Variants in RHOA observed in about 807,000 individuals in gnomAD.
The protein encoded by RHOA is transforming protein RhoA.
In RHOA, 3 loss-of-function variants were observed where a neutral mutation model predicts 17.5. That is an observed-to-expected ratio of 0.17 (90% CI 0.08 to 0.44). The LOEUF (loss-of-function observed/expected upper bound fraction) is 0.44. RHOA is among the 20% of genes least tolerant of loss of function. RHOA has a pLI of 0.99. For synonymous variants in RHOA, 98 were observed against 88.4 expected (o/e 1.11, Z -0.61); for missense variants, 56 against 242.3 (o/e 0.23, Z 5.10).
intron 1 of RHOA, among the ~76,000 whole-genome samples, chr3:49,384,373 C>T (rs776360972): frequency 2.0e-5 from 3 of 152,160 alleles, no homozygotes; most frequent in East Asian, 1.9e-4. Flanking sequence ...CTCTCCCAGA[C>T]GTGTCATTTT....
intron 1 of RHOA, among the ~76,000 whole-genome samples, chr3:49,386,836 G>A (rs2048403221): frequency 6.6e-6 from 1 of 151,904 alleles, no homozygotes; most frequent in African/African-American, 2.4e-5. Flanking sequence ...TACATGACCG[G>A]GCGTGGCAGC....
chr3:49,406,972 G>A (rs971471037), intron 1 of RHOA, among the ~76,000 whole-genome samples: 1 of 151,804 alleles, frequency 6.6e-6, no homozygotes, highest in Non-Finnish European at 1.5e-5. Context: ...GTGAGATCCC[G>A]TCTTTACTAA....
chr3:49,362,416 T>C (rs2047987206), intron 4 of RHOA, 80 bp downstream of exon 4: 1 of 1,456,704 alleles, frequency 6.9e-7, no homozygotes, highest in Admixed American at 2.3e-5. Context: ...CCTGTGAAGG[T>C]TCCTGCTGGG....
intron 1 of RHOA, among the ~76,000 whole-genome samples, chr3:49,391,699 C>T (rs968955784): frequency 4.0e-5 from 6 of 151,858 alleles, no homozygotes; most frequent in African/African-American, 1.2e-4. Flanking sequence ...TTAGTAGAGA[C>T]GGGGTTTCTC....
chr3:49,375,342 T>C (rs149622597), intron 2 of RHOA, 92 bp downstream of exon 2: 6 of 1,226,910 alleles, frequency 4.9e-6, no homozygotes, highest in Non-Finnish European at 6.9e-6. Context: ...TTATATGGTA[T>C]ACTGAAGAGG....
chr3:49,399,146 G>T (rs10446462), intron 1 of RHOA, among the ~76,000 whole-genome samples: 1 of 148,966 alleles, frequency 6.7e-6, no homozygotes, highest in African/African-American at 2.5e-5. Flanking sequence ...GAGGCAGGCA[G>T]ATCACGAGGT....
chr3:49,383,264 C>CA (rs1369157376), intron 1 of RHOA, among the ~76,000 whole-genome samples: 9 of 151,310 alleles, frequency 5.9e-5, no homozygotes, highest in African/African-American at 1.9e-4. Flanking sequence ...ACTAAAAATA[C>CA]AAAAAATTAG....
intron 1 of RHOA, among the ~76,000 whole-genome samples, chr3:49,391,573 C>T (rs1452014113): frequency 2.0e-5 from 3 of 151,998 alleles, no homozygotes; most frequent in African/African-American, 4.8e-5. Flanking sequence ...GACAGAGTTT[C>T]GCTCTTGTTG....
At chr3:49,374,821 G>A (rs1444147514) in intron 2 of RHOA, among the ~76,000 whole-genome samples, 1 of 151,916 alleles carries the variant, frequency 6.6e-6, no homozygotes, top group Non-Finnish European at 1.5e-5. Flanking sequence ...AGTTAAAAAT[G>A]AAAAAACAGC....
chr3:49,368,712 T>C (rs1418021125), intron 2 of RHOA, among the ~76,000 whole-genome samples, 164 bp from the exon 3 acceptor site: 7 of 146,850 alleles, frequency 4.8e-5, no homozygotes, highest in East Asian at 3.9e-4. Context: ...TTTTTCTTTT[T>C]TTTTTTTTTT....
chr3:49,384,415 T>G (rs1272167339), intron 1 of RHOA, among the ~76,000 whole-genome samples: 1 of 152,332 alleles, frequency 6.6e-6, no homozygotes, highest in Admixed American at 6.5e-5. Context: ...AAATAACTTA[T>G]AAGTTTGGAG....
chr3:49,383,529 T>C (rs893633845), intron 1 of RHOA, among the ~76,000 whole-genome samples: 4 of 152,270 alleles, frequency 2.6e-5, no homozygotes, highest in Admixed American at 6.6e-5. Context: ...AGTTTCCTTA[T>C]AGATGGGGAA....
At chr3:49,382,261 G>A (rs774109840) in intron 1 of RHOA, among the ~76,000 whole-genome samples, 7 of 152,142 alleles carry the variant, frequency 4.6e-5, no homozygotes, top group Non-Finnish European at 1.0e-4. Flanking sequence ...GGAGCTTGCA[G>A]TGAGCTAAGA....
intron 2 of RHOA, among the ~76,000 whole-genome samples, chr3:49,369,459 G>A (rs578129245): frequency 5.3e-5 from 8 of 151,762 alleles, no homozygotes; most frequent in Admixed American, 5.3e-4. Flanking sequence ...GTGGCCAGGC[G>A]CGGTGGCTCA....
At chr3:49,394,751 CT>C (rs2048584436) in intron 1 of RHOA, among the ~76,000 whole-genome samples, 1 of 152,132 alleles carries the variant, frequency 6.6e-6, no homozygotes, top group South Asian at 2.1e-4. Flanking sequence ...TAATTAAGTG[CT>C]GTAACAAAAG....
At chr3:49,362,372 A>ATCT in intron 4 of RHOA, 124 bp downstream of exon 4, 1 of 981,522 alleles carries the variant, frequency 1.0e-6, no homozygotes, top group East Asian at 2.6e-5. Context: ...TCAGAGGGCC[A>ATCT]CAGAGGGGCT....
chr3:49,364,699 C>G (rs1253884476), intron 3 of RHOA, among the ~76,000 whole-genome samples: 1 of 151,924 alleles, frequency 6.6e-6, no homozygotes, highest in Non-Finnish European at 1.5e-5. Context: ...AATAAATAGA[C>G]CAGGTGCAGT....
intron 1 of RHOA, among the ~76,000 whole-genome samples, chr3:49,377,619 A>C (rs1392586998): frequency 2.7e-5 from 4 of 150,502 alleles, no homozygotes; most frequent in Non-Finnish European, 1.5e-5. Context: ...AAGAAAAAAA[A>C]AAAAATCAGC....
chr3:49,360,142 C>T lies in RHOA; in HGVS notation c.*67G>A, dbSNP rs1366236917. The T allele has an allele frequency of 6.9e-7, 1 of 1,451,944 alleles. No individual in the cohort carries two copies. Among genetic ancestry groups the T allele is most frequent in the African/African-American group, 1.4e-5 (1 of 70,268 alleles). 89.9% of individuals were successfully genotyped at this position (1,451,944 alleles called of 1,614,324 possible). On this transcript the variant is annotated 3_prime_UTR_variant, in exon 5 of 5. Coordinates refer to ENST00000418115, the MANE Select transcript of RHOA (RefSeq NM_001664.4). ...TAGATAAATGAAAAAGGCCAGTAAT[C>T]ATACACTAAGATTAATAAACAGCAC...
Sources: gnomAD v4.1 joint callset for allele counts (sites outside exome capture counted in the v4.1 genomes callset) on GRCh38, gnomAD v4.1.1 for gene constraint, MANE v1.5 for transcripts, NCBI Gene and HGNC (gene_info 2026-07-23, HGNC 2026-07-21) for gene names.